The following MYO16 variants were observed in gnomAD, a reference collection of about 807,000 sequenced individuals.
The protein encoded by MYO16 is myosin XVI.
Under a neutral mutation model 205.3 loss-of-function variants are expected in MYO16, and 94 were observed. The observed-to-expected ratio is 0.46, with a 90% CI of 0.39 to 0.54. The LOEUF is 0.54. Ranked by LOEUF, MYO16 falls within the 20% of genes least tolerant of loss-of-function variation. MYO16 has a pLI of 0.00. For synonymous variants in MYO16, 988 were observed against 954.0 expected (o/e 1.04, Z -0.66); for missense variants, 2,315 against 2,387.5 (o/e 0.97, Z 0.63).
chr13:108,853,986 G>GTGTGTGTGTGTA (rs1175489292), intron 10 of MYO16, among the ~76,000 whole-genome samples: 1 of 147,848 alleles, frequency 6.8e-6, no homozygotes, highest in Non-Finnish European at 1.5e-5. Flanking sequence ...GTGTGTGTGT[G>GTGTGTGTGTGTA]TATTTTTGTT....
intron 2 of MYO16, among the ~76,000 whole-genome samples, chr13:108,681,741 T>G (rs1178466166): frequency 6.6e-6 from 1 of 152,234 alleles, no homozygotes; most frequent in East Asian, 1.9e-4. Context: ...AAGAGATTTC[T>G]AAAGCCATCC....
At chr13:108,727,382 G>T in intron 3 of MYO16, 58 bp from the exon 4 acceptor site, 1 of 1,546,810 alleles carries the variant, frequency 6.5e-7, no homozygotes, top group Non-Finnish European at 8.8e-7. Flanking sequence ...TGGACATTTG[G>T]AATAAGCCAT....
chr13:108,767,099 GT>G (rs60897890), intron 4 of MYO16, among the ~76,000 whole-genome samples: 10,360 of 151,806 alleles, frequency 0.068, 611 homozygotes, highest in East Asian at 0.24. Context: ...TTGTTTGTTT[GT>G]TTTGTTTTGT....
At chr13:108,968,133 G>A (rs1218201214) in intron 20 of MYO16, among the ~76,000 whole-genome samples, 1 of 152,188 alleles carries the variant, frequency 6.6e-6, no homozygotes, top group East Asian at 1.9e-4. Flanking sequence ...CAGACAGAGC[G>A]TCAGCCTCTC....
At chr13:108,866,955 C>T (rs1008224926) in intron 12 of MYO16, among the ~76,000 whole-genome samples, 1 of 151,988 alleles carries the variant, frequency 6.6e-6, no homozygotes, top group East Asian at 1.9e-4. Context: ...AGAGAAATTC[C>T]TCCAACTTCC....
At chr13:108,679,633 T>C (rs77722871) in intron 2 of MYO16, among the ~76,000 whole-genome samples, 1,780 of 151,804 alleles carry the variant, frequency 0.012, 36 homozygotes, top group African/African-American at 0.041. Flanking sequence ...GATCACATTA[T>C]CTTCAGTCTT....
intron 4 of MYO16, among the ~76,000 whole-genome samples, chr13:108,767,393 C>A (rs1047649707): frequency 9.9e-5 from 15 of 152,156 alleles, no homozygotes; most frequent in Non-Finnish European, 1.3e-4. Flanking sequence ...TGAGCCACTG[C>A]GCCTGGCTGT....
At chr13:109,163,533 C>G (rs1319283344) in intron 32 of MYO16, among the ~76,000 whole-genome samples, 4 of 145,680 alleles carry the variant, frequency 2.7e-5, no homozygotes, top group Non-Finnish European at 6.0e-5. Context: ...CTCCTTCCCT[C>G]CCTCCCTTTC....
chr13:108,898,716 A>T (rs1411942566), intron 15 of MYO16, among the ~76,000 whole-genome samples: 1 of 152,162 alleles, frequency 6.6e-6, no homozygotes, highest in African/African-American at 2.4e-5. Flanking sequence ...ACCCAAGCAG[A>T]CACTGTTTCG....
At position 108,740,631 on chromosome 13, in the gene MYO16, G is replaced by A. The variant is rs150845787; in HGVS notation, c.507+13048G>A. Among the ~76,000 whole-genome samples, 932 of 152,226 alleles carry A rather than the reference G, an allele frequency of 6.1e-3. 6 individuals carry two copies. Among genetic ancestry groups the A allele is most frequent in the African/African-American group, 0.019 (793 of 41,536 alleles). ...TGTCCGTTCTCAGATCTCAAACTCC[G>A]TGCTGGGAGAACCACTACTCTCTTC... On this transcript the variant is annotated intron_variant, in intron 4 of 34. Coordinates refer to ENST00000457511, the MANE Select transcript of MYO16 (RefSeq NM_001198950.3).
At chr13:109,094,830 A>T (rs1178455451) in intron 27 of MYO16, among the ~76,000 whole-genome samples, 1 of 152,200 alleles carries the variant, frequency 6.6e-6, no homozygotes, top group Admixed American at 6.5e-5. Flanking sequence ...ACATGAATTC[A>T]TGCTTTTGTT....
intron 4 of MYO16, among the ~76,000 whole-genome samples, chr13:108,742,958 G>T (rs1884954660): frequency 1.3e-5 from 2 of 152,072 alleles, no homozygotes; most frequent in African/African-American, 4.8e-5. Flanking sequence ...TTAGATAAAA[G>T]GTTTCCATTT....
intron 12 of MYO16, among the ~76,000 whole-genome samples, chr13:108,872,233 T>C (rs1233323106): frequency 6.6e-6 from 1 of 152,240 alleles, no homozygotes; most frequent in African/African-American, 2.4e-5. Flanking sequence ...AAGTCAGCTT[T>C]GAATAATTGA....
intron 12 of MYO16, among the ~76,000 whole-genome samples, chr13:108,874,103 TACTTC>T (rs1879207879): frequency 6.6e-6 from 1 of 152,178 alleles, no homozygotes; most frequent in African/African-American, 2.4e-5. Context: ...AAAAATCACA[TACTTC>T]ACTTCTAGCT....
chr13:108,909,914 T>TATCTC, intron 15 of MYO16, 89 bp from the exon 16 acceptor site: 2 of 1,340,472 alleles, frequency 1.5e-6, no homozygotes, highest in Non-Finnish European at 2.1e-6. Context: ...ACAGTCCTTG[T>TATCTC]ATCTCTTGTA....
intron 1 of MYO16, chr13:108,659,359 T>A (rs1881395217): frequency 2.3e-6 from 1 of 429,006 alleles, no homozygotes; most frequent in South Asian, 1.7e-5. Context: ...TATTTAGATG[T>A]CTAGGTATAG....
chr13:108,645,391 G>A (rs8000053), intron 1 of MYO16, among the ~76,000 whole-genome samples: 7,498 of 152,106 alleles, frequency 0.049, 211 homozygotes, highest in South Asian at 0.13. Flanking sequence ...TTGCAGTGTC[G>A]AAAATGACCT....
intron 2 of MYO16, among the ~76,000 whole-genome samples, chr13:108,698,389 G>A (rs1352548718): frequency 6.6e-6 from 1 of 152,180 alleles, no homozygotes; most frequent in Non-Finnish European, 1.5e-5. Context: ...AATTTGAAAT[G>A]TATCCTTTGA....
intron 23 of MYO16, among the ~76,000 whole-genome samples, chr13:109,023,014 AATGT>A (rs1046123682): frequency 1.5e-5 from 2 of 134,852 alleles, no homozygotes; most frequent in Non-Finnish European, 3.0e-5. Flanking sequence ...TACACATGTA[AATGT>A]ATGTATATAT....
Sources: gnomAD v4.1 joint callset for allele counts (sites outside exome capture counted in the v4.1 genomes callset) on GRCh38, gnomAD v4.1.1 for gene constraint, MANE v1.5 for transcripts, NCBI Gene and HGNC (gene_info 2026-07-23, HGNC 2026-07-21) for gene names.